NEDD4L: variants seen among roughly 807,000 people sequenced by gnomAD.
NEDD4L encodes the protein E3 ubiquitin-protein ligase NEDD4-like.
A neutral mutation model predicts 148.9 loss-of-function variants in NEDD4L; 54 were observed. The ratio of observed to expected loss-of-function variants is 0.36; its 90% CI spans 0.29 to 0.45. NEDD4L has a LOEUF of 0.45. Among genes scored for constraint, NEDD4L ranks in the 20% least tolerant of loss-of-function variants. NEDD4L has a pLI of 1.00. For missense variants in NEDD4L, 856 were observed against 1,233.8 expected, an observed-to-expected ratio of 0.69 and a Z score of 4.59; for synonymous variants, 433 against 440.7, an observed-to-expected ratio of 0.98 and a Z score of 0.22.
At chr18:58,079,521 G>A (rs2083331071) in intron 1 of NEDD4L, among the ~76,000 whole-genome samples, 1 of 152,220 alleles carries the variant, frequency 6.6e-6, no homozygotes, top group African/African-American at 2.4e-5. Context: ...TGGGGAAACT[G>A]AGCCTCAGAG....
intron 24 of NEDD4L, among the ~76,000 whole-genome samples, chr18:58,376,423 G>T (rs2047565472): frequency 6.6e-6 from 1 of 152,116 alleles, no homozygotes; most frequent in Non-Finnish European, 1.5e-5. Flanking sequence ...TTGCCTTTTT[G>T]AGAGAGCTAT....
At chr18:58,111,858 T>G (rs1366275747) in intron 1 of NEDD4L, among the ~76,000 whole-genome samples, 1 of 152,228 alleles carries the variant, frequency 6.6e-6, no homozygotes, top group Non-Finnish European at 1.5e-5. Flanking sequence ...GGAATGGAAC[T>G]GCCAGACTGT....
intron 4 of NEDD4L, among the ~76,000 whole-genome samples, chr18:58,250,307 G>C (rs559478332): frequency 1.3e-5 from 2 of 151,934 alleles, no homozygotes; most frequent in African/African-American, 2.4e-5. Context: ...GTACCACCAC[G>C]CCTGGCTAAT....
intron 1 of NEDD4L, among the ~76,000 whole-genome samples, chr18:58,104,872 C>T (rs1423327775): frequency 6.6e-6 from 1 of 151,612 alleles, no homozygotes; most frequent in Non-Finnish European, 1.5e-5. Context: ...ACCCCTCCAC[C>T]CCCCAAACAC....
intron 1 of NEDD4L, among the ~76,000 whole-genome samples, chr18:58,048,819 G>A (rs1475936295): frequency 6.6e-6 from 1 of 152,178 alleles, no homozygotes; most frequent in Non-Finnish European, 1.5e-5. Context: ...TTGAGATGTG[G>A]CAGCTAGTTG....
intron 2 of NEDD4L, chr18:58,195,281 T>G: frequency 1.9e-6 from 1 of 528,718 alleles, no homozygotes; most frequent in Non-Finnish European, 2.9e-6. Flanking sequence ...CTGGTGTTGT[T>G]TTGTTGCAAG....
chr18:58,052,253 G>A (rs990449657), intron 1 of NEDD4L, among the ~76,000 whole-genome samples: 4 of 152,184 alleles, frequency 2.6e-5, no homozygotes, highest in African/African-American at 9.7e-5. Context: ...CAAGACCGTG[G>A]CTGAAGTTGT....
At chr18:58,176,050 C>T (rs144563534) in intron 2 of NEDD4L, among the ~76,000 whole-genome samples, 56 of 152,322 alleles carry the variant, frequency 3.7e-4, no homozygotes, top group African/African-American at 1.3e-3. Flanking sequence ...AATCACTGAG[C>T]AAAGACTGTG....
chr18:58,345,236 T>G (rs1426686368), intron 16 of NEDD4L, among the ~76,000 whole-genome samples: 1 of 152,238 alleles, frequency 6.6e-6, no homozygotes, highest in Non-Finnish European at 1.5e-5. Flanking sequence ...CGAATTCAGA[T>G]GTGCTGACAC....
chr18:58,394,073 G>A (rs564387959), intron 30 of NEDD4L, among the ~76,000 whole-genome samples: 9 of 152,326 alleles, frequency 5.9e-5, no homozygotes, highest in Admixed American at 4.6e-4. Flanking sequence ...AGCCCTGTGA[G>A]GACAATGAGC....
At chr18:58,088,471 T>G (rs544505086) in intron 1 of NEDD4L, among the ~76,000 whole-genome samples, 1 of 152,216 alleles carries the variant, frequency 6.6e-6, no homozygotes, top group Non-Finnish European at 1.5e-5. Flanking sequence ...GTCTTATTCT[T>G]ATGTTAAGTT....
intron 2 of NEDD4L, among the ~76,000 whole-genome samples, chr18:58,213,782 C>T (rs2042851727): frequency 6.6e-6 from 1 of 151,722 alleles, no homozygotes; most frequent in Non-Finnish European, 1.5e-5. Context: ...CTAGTCTGTT[C>T]TTGTTTTGCT....
chr18:58,144,553 G>C (rs972738887), intron 1 of NEDD4L, among the ~76,000 whole-genome samples: 1 of 152,060 alleles, frequency 6.6e-6, no homozygotes, highest in African/African-American at 2.4e-5. Flanking sequence ...GCCTTAAGGG[G>C]ATCTTACCTC....
intron 9 of NEDD4L, 140 bp downstream of exon 9, chr18:58,325,302 C>A: frequency 2.0e-6 from 2 of 984,146 alleles, no homozygotes; most frequent in East Asian, 2.5e-5. Context: ...AGATTCCTCT[C>A]CATTTACGTA....
intron 1 of NEDD4L, among the ~76,000 whole-genome samples, chr18:58,071,558 C>G (rs1568173753): frequency 6.6e-6 from 1 of 152,130 alleles, no homozygotes; most frequent in African/African-American, 2.4e-5. Context: ...CCTTAGAGAC[C>G]TGTGTAACAT....
intron 2 of NEDD4L, among the ~76,000 whole-genome samples, chr18:58,203,358 A>G (rs1265094996): frequency 6.6e-6 from 1 of 152,224 alleles, no homozygotes; most frequent in Non-Finnish European, 1.5e-5. Context: ...AAAAGTGACT[A>G]CAAGTAGTGA....
chr18:58,190,462 A>G (rs1448463836), intron 2 of NEDD4L, among the ~76,000 whole-genome samples: 4 of 152,228 alleles, frequency 2.6e-5, no homozygotes, highest in Non-Finnish European at 4.4e-5. Flanking sequence ...TGAAAAGTAA[A>G]TTGTAGATTG....
At chr18:58,213,150 G>C (rs200992071) in intron 2 of NEDD4L, among the ~76,000 whole-genome samples, 118 of 50,118 alleles carry the variant, frequency 2.4e-3, no homozygotes, top group Non-Finnish European at 3.3e-3. Flanking sequence ...ATTATGGGCA[G>C]TTGGGAAATT....
chr18:58,248,102 TA>T (rs2047494237), intron 3 of NEDD4L, among the ~76,000 whole-genome samples: 1 of 152,254 alleles, frequency 6.6e-6, no homozygotes, highest in African/African-American at 2.4e-5. Context: ...GGTTTTTTTT[TA>T]CATACAATTT....
Sources: allele counts gnomAD v4.1 joint callset (sites outside exome capture counted in the v4.1 genomes callset), GRCh38; gene constraint gnomAD v4.1.1; transcripts MANE v1.5; gene names NCBI Gene and HGNC (gene_info 2026-07-23, HGNC 2026-07-21).